The following SPATA6 variants were observed in gnomAD, a reference collection of about 807,000 sequenced individuals.
SPATA6 encodes spermatogenesis associated 6, also known as spermatogenesis-associated protein 6.
In SPATA6, 56 loss-of-function variants were observed where a neutral mutation model predicts 65.3. That is an observed-to-expected ratio of 0.86 (90% CI 0.69 to 1.07). SPATA6 has a LOEUF of 1.07. SPATA6 is among the 50% of genes least tolerant of loss of function. SPATA6 has a pLI of 0.00. For missense variants in SPATA6, 590 were observed against 594.8 expected (o/e 0.99, Z 0.08); for synonymous variants, 199 against 213.2 (o/e 0.93, Z 0.58).
rs551451656 is a variant in SPATA6 at position 48,312,229 on chromosome 1, G to A, written c.1195-6351C>T. 2.0e-5 allele frequency among the ~76,000 whole-genome samples: 3 copies of A among 152,290 alleles called. 1 individual carries two copies. In the South Asian group the frequency reaches 6.2e-4, roughly 32 times the overall value. ...TTTGAAGAGAGTAGTGGTTCTCCCA[G>A]CATGCAGCTGGAGATAAAGAGAATG... On this transcript the variant is annotated intron_variant, in intron 11 of 12. Coordinates refer to ENST00000371847, the MANE Select transcript of SPATA6 (RefSeq NM_019073.4).
chr1:48,268,192 C>A, the SPATA6 span, among the ~76,000 whole-genome samples: 1 of 151,986 alleles, frequency 6.6e-6, no homozygotes, highest in Non-Finnish European at 1.5e-5. Flanking sequence ...GGAGCCCTTG[C>A]CAGGGACCCC....
chr1:48,358,785 A>G lies in SPATA6; in HGVS notation c.1094+801T>C, dbSNP rs142896715. ...TAGAAGCAACCTTAATCAAAATTCC[A>G]TATCTCAGGATTAGGGTCTACAACA... On this transcript the variant is annotated intron_variant, in intron 10 of 12. Coordinates refer to ENST00000371847, the MANE Select transcript of SPATA6 (RefSeq NM_019073.4). Among the ~76,000 whole-genome samples the G allele has an allele frequency of 1.1e-3, 162 of 152,316 alleles. 1 individual carries two copies. Among genetic ancestry groups the G allele is most frequent in the South Asian group, 9.9e-3 (48 of 4,834 alleles).
chr1:48,461,136 CT>C (rs1420899916), intron 1 of SPATA6, among the ~76,000 whole-genome samples: 5 of 152,202 alleles, frequency 3.3e-5, no homozygotes, highest in Admixed American at 2.6e-4. Flanking sequence ...TAAATGTCTT[CT>C]TTTGAGAAGT....
intron 8 of SPATA6, chr1:48,393,278 T>C (rs545279437): frequency 1.1e-3 from 171 of 152,160 alleles, no homozygotes; most frequent in African/African-American, 3.8e-3. Context: ...GCACTGAGAG[T>C]AACACATCAC....
At chr1:48,270,183 T>C in the SPATA6 span, among the ~76,000 whole-genome samples, 2 of 152,084 alleles carry the variant, frequency 1.3e-5, no homozygotes, top group African/African-American at 2.4e-5. Context: ...AACTATCCCA[T>C]ACATAACTCC....
At chr1:48,355,293 T>A (rs969884812) in intron 11 of SPATA6, among the ~76,000 whole-genome samples, 2 of 152,146 alleles carry the variant, frequency 1.3e-5, no homozygotes, top group African/African-American at 4.8e-5. Context: ...TCCTACCCAC[T>A]CATGCTACCA....
chr1:48,454,718 A>C (rs1310845552), intron 1 of SPATA6, among the ~76,000 whole-genome samples: 1 of 152,198 alleles, frequency 6.6e-6, no homozygotes, highest in Non-Finnish European at 1.5e-5. Flanking sequence ...GAGATTATCT[A>C]GTCTAGCTTT....
intron 3 of SPATA6, among the ~76,000 whole-genome samples, chr1:48,426,772 A>C (rs1272361646): frequency 6.6e-6 from 1 of 152,146 alleles, no homozygotes; most frequent in Non-Finnish European, 1.5e-5. Context: ...CAGCCAAAAA[A>C]CATGTTAGCA....
In SPATA6 at chr1:48,471,998, A is replaced by G; in HGVS notation, c.11T>C (p.Val4Ala). ...CGCCAGGGCGCACTGCAGCGCCTTCACCTTCGGCATCCGTGCGGGGAGGGG... is the reference window on the plus strand; with the variant it reads ...CGCCAGGGCGCACTGCAGCGCCTTCGCCTTCGGCATCCGTGCGGGGAGGGG... MPK[V>A]KALQCALALE... Residue 4 changes from valine (V) to alanine (A), a missense_variant, in exon 1 of 13, where the codon GTG becomes GCG. By Grantham distance (64) the Val-to-Ala change is moderately conservative (BLOSUM62 0). Coordinates refer to ENST00000371847, the MANE Select transcript of SPATA6 (RefSeq NM_019073.4). 6.3e-7 allele frequency: 1 copy of G among 1,577,658 alleles called. No homozygotes were observed. The highest frequency in any genetic ancestry group is 8.6e-7 in the Non-Finnish European group (1 of 1,165,556).
chr1:48,303,025 T>C (rs1644977679), intron 12 of SPATA6, among the ~76,000 whole-genome samples: 1 of 152,098 alleles, frequency 6.6e-6, no homozygotes, highest in Non-Finnish European at 1.5e-5. Context: ...ACTTCCCTAG[T>C]AGAACTTTTG....
the SPATA6 span, among the ~76,000 whole-genome samples, chr1:48,283,697 AAAAG>A: frequency 6.8e-3 from 82 of 12,010 alleles, 5 homozygotes; most frequent in African/African-American, 0.013. Context: ...AAAAAAAAAA[AAAAG>A]AAAGAAAGAA....
At chr1:48,284,356 C>T in the SPATA6 span, among the ~76,000 whole-genome samples, 1 of 152,020 alleles carries the variant, frequency 6.6e-6, no homozygotes, top group East Asian at 1.9e-4. Context: ...TCTTAGCTTC[C>T]CTGCATTGGG....
At chr1:48,445,363 T>C (rs905967162) in intron 3 of SPATA6, among the ~76,000 whole-genome samples, 1 of 152,128 alleles carries the variant, frequency 6.6e-6, no homozygotes, top group African/African-American at 2.4e-5. Flanking sequence ...TCTACGTAGT[T>C]CTTAAAAAGC....
the SPATA6 span, among the ~76,000 whole-genome samples, chr1:48,276,620 A>G: frequency 8.5e-5 from 13 of 152,144 alleles, no homozygotes; most frequent in African/African-American, 3.1e-4. Context: ...TAGGTTTTTC[A>G]GTTTCCATAT....
chr1:48,445,160 G>A (rs1405541408), intron 3 of SPATA6, among the ~76,000 whole-genome samples: 1 of 152,032 alleles, frequency 6.6e-6, no homozygotes, highest in Non-Finnish European at 1.5e-5. Flanking sequence ...TCTTCTCTTT[G>A]CTTCCACTGA....
intron 11 of SPATA6, among the ~76,000 whole-genome samples, chr1:48,329,615 C>A (rs1283664142): frequency 6.6e-6 from 1 of 152,190 alleles, no homozygotes; most frequent in Non-Finnish European, 1.5e-5. Context: ...AGACTAGAAG[C>A]AGCTTGTGTG....
At chr1:48,321,975 T>C (rs1427772144) in intron 11 of SPATA6, among the ~76,000 whole-genome samples, 2 of 151,670 alleles carry the variant, frequency 1.3e-5, no homozygotes, top group East Asian at 1.9e-4. Context: ...TACATGAAAA[T>C]ACAACATACC....
chr1:48,339,096 T>C (rs149902797), intron 11 of SPATA6, among the ~76,000 whole-genome samples: 71 of 151,932 alleles, frequency 4.7e-4, no homozygotes, highest in African/African-American at 1.5e-3. Context: ...TGTAATAAAC[T>C]AAGCCTAAAA....
intron 11 of SPATA6, among the ~76,000 whole-genome samples, chr1:48,323,675 T>G (rs1645669714): frequency 1.3e-5 from 2 of 148,434 alleles, no homozygotes; most frequent in Non-Finnish European, 3.0e-5. Flanking sequence ...CAGAAGGTAT[T>G]ACAAAAGATA....
Sources: allele counts gnomAD v4.1 joint callset (sites outside exome capture counted in the v4.1 genomes callset), GRCh38; gene constraint gnomAD v4.1.1; transcripts MANE v1.5; gene names NCBI Gene and HGNC (gene_info 2026-07-23, HGNC 2026-07-21).